Variants in CELF2 observed in about 807,000 individuals in gnomAD.
The protein encoded by CELF2 is CUGBP Elav-like family member 2, also known as CUG triplet repeat RNA-binding protein 2.
In CELF2, 8 loss-of-function variants were observed where a neutral mutation model predicts 62.6. That is an observed-to-expected ratio of 0.13 (90% CI 0.07 to 0.23). The LOEUF (loss-of-function observed/expected upper bound fraction) is 0.23, where lower values mean the gene tolerates loss of function less well. Ranked by LOEUF, CELF2 falls within the 10% of genes least tolerant of loss-of-function variation. The pLI, the probability that CELF2 is intolerant of heterozygous loss-of-function variation, is 1.00. For missense variants in CELF2, 333 were observed against 671.0 expected (o/e 0.50, Z 5.56); for synonymous variants, 258 against 250.0 (o/e 1.03, Z -0.30).
At chr10:11,028,300 G>T (rs932640882) in intron 1 of CELF2, among the ~76,000 whole-genome samples, 14 of 152,070 alleles carry the variant, frequency 9.2e-5, no homozygotes, top group African/African-American at 3.4e-4. Flanking sequence ...ACCAGATTTT[G>T]ATTTTCTTAT....
the CELF2 span, among the ~76,000 whole-genome samples, chr10:10,749,182 T>C: frequency 4.6e-5 from 7 of 152,220 alleles, no homozygotes; most frequent in Admixed American, 4.6e-4. Flanking sequence ...TTATTTAATG[T>C]CTACTATGTG....
chr10:10,950,532 A>T (rs2135714491), intron 2 of CELF2, among the ~76,000 whole-genome samples: 1 of 152,260 alleles, frequency 6.6e-6, no homozygotes, highest in Middle Eastern at 3.4e-3. Flanking sequence ...TTTCTTTAAT[A>T]GCGCCTTATC....
At chr10:10,836,674 C>T (rs933373630) in intron 1 of CELF2, among the ~76,000 whole-genome samples, 2 of 152,330 alleles carry the variant, frequency 1.3e-5, no homozygotes, top group East Asian at 1.9e-4. Context: ...TGGAGTCTCT[C>T]GCCCAGGCTG....
intron 4 of CELF2, 75 bp downstream of exon 4, chr10:11,249,276 G>A: frequency 1.7e-6 from 2 of 1,209,676 alleles, no homozygotes; most frequent in Non-Finnish European, 2.5e-6. Flanking sequence ...GGGGGCGGGA[G>A]AAGCCGGCCC....
Position 10,983,578 on chromosome 10 carries a change from A to AT in CELF2, c.89+63586dup, listed in dbSNP as rs1372688829. The stretch of plus-strand genomic sequence containing the variant: ...AGTTTTTGTTTTTGGTTTTTGGTTT[A>AT]TTTTTTTGAGACAGAGTCTCACTCT... On this transcript the variant is annotated intron_variant, in intron 2 of 13. Coordinates refer to the CELF2 transcript ENST00000636488. This position sits in a 1 kb window ranked among gnomAD's most constrained non-coding sequence, Gnocchi z 5.2. 2.0e-5 allele frequency among the ~76,000 whole-genome samples: 3 copies of AT among 151,974 alleles called. No homozygotes were observed. Among genetic ancestry groups the AT allele is most frequent in the Non-Finnish European group, 2.9e-5 (2 of 67,972 alleles).
At chr10:10,657,133 A>G in the CELF2 span, among the ~76,000 whole-genome samples, 1 of 152,158 alleles carries the variant, frequency 6.6e-6, no homozygotes, top group Non-Finnish European at 1.5e-5. Context: ...AATTTGGTTA[A>G]GTTAAAGAAG....
chr10:10,554,085 T>C, the CELF2 span, among the ~76,000 whole-genome samples: 1 of 152,036 alleles, frequency 6.6e-6, no homozygotes, highest in Admixed American at 6.6e-5. Flanking sequence ...GGAGAGACCA[T>C]GGCTTGGACT....
At chr10:10,758,246 A>G in the CELF2 span, among the ~76,000 whole-genome samples, 1 of 152,234 alleles carries the variant, frequency 6.6e-6, no homozygotes, top group African/African-American at 2.4e-5. Context: ...GAAGGGCAAA[A>G]CAAGAGGACA....
chr10:10,735,023 G>C, the CELF2 span, among the ~76,000 whole-genome samples: 1 of 152,154 alleles, frequency 6.6e-6, no homozygotes, highest in Non-Finnish European at 1.5e-5. Context: ...CCAGTTGTTA[G>C]GGTGGTATTT....
intron 2 of CELF2, among the ~76,000 whole-genome samples, chr10:10,932,305 G>A (rs1207166214): frequency 6.6e-6 from 1 of 152,142 alleles, no homozygotes; most frequent in Non-Finnish European, 1.5e-5. Context: ...AGATTCACTG[G>A]ACAGGAGGAA....
intron 1 of CELF2, among the ~76,000 whole-genome samples, chr10:10,839,339 C>T (rs1407055412): frequency 6.6e-6 from 1 of 152,160 alleles, no homozygotes; most frequent in East Asian, 1.9e-4. Context: ...AACATAAGCT[C>T]ATACTGATGT....
the CELF2 span, among the ~76,000 whole-genome samples, chr10:10,695,652 C>T: frequency 9.7e-3 from 1,465 of 151,812 alleles, 25 homozygotes; most frequent in African/African-American, 0.032. Context: ...ACCAATCAGA[C>T]GTAGATTTGG....
At position 11,300,789 on chromosome 10, in the gene CELF2, A is replaced by G. The variant is rs1352260353; in HGVS notation, c.976+12237A>G. 6.6e-6 allele frequency among the ~76,000 whole-genome samples: 1 copy of G among 152,198 alleles called. No homozygotes were observed. The highest frequency in any genetic ancestry group is 2.4e-5 in the African/African-American group (1 of 41,452). On this transcript the variant is annotated intron_variant, in intron 9 of 12. Transcript: ENST00000633077. This position sits in a 1 kb window ranked among gnomAD's most constrained non-coding sequence, Gnocchi z 5.5. ...AGGCAAAACGGCGACCGCGGGCTCC[A>G]GTGTCCTGAGTATGTTTGGTCAATG...
chr10:10,996,210 C>CAT (rs1338416108), intron 2 of CELF2, among the ~76,000 whole-genome samples: 1 of 152,218 alleles, frequency 6.6e-6, no homozygotes, highest in Admixed American at 6.5e-5. Context: ...CTGCTGGAAG[C>CAT]ATAAGAGCTT....
the CELF2 span, among the ~76,000 whole-genome samples, chr10:10,698,539 A>C: frequency 6.6e-6 from 1 of 152,242 alleles, no homozygotes; most frequent in Non-Finnish European, 1.5e-5. Context: ...TTTTCAGAAT[A>C]ATCCATCCAA....
the CELF2 span, among the ~76,000 whole-genome samples, chr10:10,747,853 T>C: frequency 2.1e-5 from 1 of 47,040 alleles, no homozygotes; most frequent in Non-Finnish European, 6.7e-5. Context: ...ACTACAGGCA[T>C]GTGCCACCAC....
intron 3 of CELF2, among the ~76,000 whole-genome samples, chr10:11,222,255 A>T (rs1038381663): frequency 3.9e-5 from 6 of 152,184 alleles, no homozygotes. Flanking sequence ...CACCTCTCCT[A>T]CTTAGTGATA....
At position 11,044,110 on chromosome 10, in the gene CELF2, G is replaced by A. The variant is rs565808242; in HGVS notation, c.74+25947G>A. 9.9e-5 allele frequency among the ~76,000 whole-genome samples: 15 copies of A among 152,212 alleles called. 1 individual carries two copies. Among genetic ancestry groups the A allele is most frequent in the Admixed American group, 3.9e-4 (6 of 15,302 alleles). On this transcript the variant is annotated intron_variant, in intron 1 of 12. Coordinates refer to ENST00000633077, the MANE Select transcript of CELF2 (RefSeq NM_001326342.2). ...CTACTTAGTCGCCTCATCCAAAGGC[G>A]GTCCCTGACTATCATCTCAAAAAAA...
intron 2 of CELF2, among the ~76,000 whole-genome samples, chr10:11,167,769 C>T (rs185525761): frequency 1.1e-3 from 171 of 152,274 alleles, no homozygotes; most frequent in African/African-American, 3.9e-3. Context: ...TTTTTGAGCA[C>T]GTGCTATGTA....
Sources: gnomAD v4.1 joint callset for allele counts (sites outside exome capture counted in the v4.1 genomes callset) on GRCh38, gnomAD v4.1.1 for gene constraint, Gnocchi (gnomAD v3.1) non-coding constraint, MANE v1.5 for transcripts, NCBI Gene and HGNC (gene_info 2026-07-23, HGNC 2026-07-21) for gene names.